The following MAPKAP1 variants were observed in gnomAD, a reference collection of about 807,000 sequenced individuals.
The protein encoded by MAPKAP1 is MAPK associated protein 1.
In MAPKAP1, 20 loss-of-function variants were observed where a neutral mutation model predicts 65.7. The ratio of observed to expected loss-of-function variants is 0.30; its 90% CI spans 0.21 to 0.44. MAPKAP1 has a LOEUF of 0.44. Ranked by LOEUF, MAPKAP1 falls within the 20% of genes least tolerant of loss-of-function variation. The pLI is 1.00. For synonymous variants in MAPKAP1, 222 were observed against 244.3 expected (o/e 0.91, Z 0.85); for missense variants, 423 against 648.0 (o/e 0.65, Z 3.77).
intron 5 of MAPKAP1, among the ~76,000 whole-genome samples, chr9:125,572,306 C>A (rs1464298322): frequency 6.6e-6 from 1 of 152,152 alleles, no homozygotes; most frequent in African/African-American, 2.4e-5. Flanking sequence ...CATGGCTGAG[C>A]TTGGTTTTAA....
chr9:125,462,128 A>T (rs1853519781), intron 10 of MAPKAP1, among the ~76,000 whole-genome samples: 2 of 152,230 alleles, frequency 1.3e-5, no homozygotes, highest in Non-Finnish European at 2.9e-5. Flanking sequence ...AAGAGCGCAC[A>T]TGCGTGTGTT....
At position 125,439,907 on chromosome 9, in the gene MAPKAP1, TGGA is replaced by T. The variant is rs1226567726; in HGVS notation, c.1444-898_1444-896del. ...AATGGGGCTGAGTATCAGGGAGGTG[TGGA>T]GGAGGGAAGGCTTCCAGAGGAAAAG... On this transcript the variant is annotated intron_variant, in intron 11 of 11. Coordinates refer to ENST00000265960, the MANE Select transcript of MAPKAP1 (RefSeq NM_001006617.3). This position sits in a 1 kb window ranked among gnomAD's most constrained non-coding sequence, Gnocchi z 4.0. Among the ~76,000 whole-genome samples the T allele has an allele frequency of 6.6e-5, 10 of 151,912 alleles. No individual in the cohort carries two copies. Among genetic ancestry groups the T allele is most frequent in the African/African-American group, 2.4e-4 (10 of 41,346 alleles).
intron 4 of MAPKAP1, among the ~76,000 whole-genome samples, chr9:125,594,570 CTTCAA>C (rs758653209): frequency 6.6e-6 from 1 of 152,194 alleles, no homozygotes; most frequent in Non-Finnish European, 1.5e-5. Context: ...TTCTTCTGTC[CTTCAA>C]TTCAAATATC....
chr9:125,664,999 G>A (rs555258749), intron 3 of MAPKAP1, among the ~76,000 whole-genome samples: 2 of 152,084 alleles, frequency 1.3e-5, no homozygotes, highest in South Asian at 2.1e-4. Flanking sequence ...TAATTTACTG[G>A]CTTTGAATGA....
intron 1 of MAPKAP1, among the ~76,000 whole-genome samples, chr9:125,679,012 T>G (rs1235847175): frequency 1.3e-5 from 2 of 152,032 alleles, no homozygotes; most frequent in African/African-American, 4.8e-5. Context: ...CAATTTTTTT[T>G]TTTTTTTGAG....
chr9:125,598,569 G>C (rs971503022), intron 4 of MAPKAP1, among the ~76,000 whole-genome samples: 2 of 152,164 alleles, frequency 1.3e-5, no homozygotes, highest in African/African-American at 2.4e-5. Flanking sequence ...TAGGGAGGCA[G>C]TACAGTGTGA....
intron 4 of MAPKAP1, among the ~76,000 whole-genome samples, chr9:125,602,050 C>T (rs922303360): frequency 6.6e-6 from 1 of 151,990 alleles, no homozygotes; most frequent in African/African-American, 2.4e-5. Flanking sequence ...GCCCAGGAGT[C>T]GAGACCAGCC....
chr9:125,695,466 G>C (rs1246508884), intron 1 of MAPKAP1, among the ~76,000 whole-genome samples: 1 of 152,100 alleles, frequency 6.6e-6, no homozygotes, highest in African/African-American at 2.4e-5. Context: ...ATATCAATTT[G>C]AACAGATGAC....
At chr9:125,507,307 T>C (rs1395772651) in intron 7 of MAPKAP1, among the ~76,000 whole-genome samples, 2 of 152,248 alleles carry the variant, frequency 1.3e-5, no homozygotes, top group African/African-American at 2.4e-5. Flanking sequence ...TGTGATCTGT[T>C]AATGGTTATT....
At chr9:125,613,946 C>T (rs1423916668) in intron 4 of MAPKAP1, among the ~76,000 whole-genome samples, 4 of 152,002 alleles carry the variant, frequency 2.6e-5, no homozygotes, top group East Asian at 3.9e-4. Flanking sequence ...TACAGGCGCC[C>T]GCCACCACGC....
intron 11 of MAPKAP1, among the ~76,000 whole-genome samples, chr9:125,440,369 C>T (rs975090328): frequency 2.6e-5 from 4 of 152,232 alleles, no homozygotes; most frequent in South Asian, 2.1e-4. Context: ...CTTCCTGCTC[C>T]GCAGCCTCTC....
chr9:125,608,805 G>A (rs571282438), intron 4 of MAPKAP1, among the ~76,000 whole-genome samples: 1 of 152,152 alleles, frequency 6.6e-6, no homozygotes, highest in East Asian at 1.9e-4. Flanking sequence ...TAAATCAAAC[G>A]TTTCAAATAA....
intron 8 of MAPKAP1, among the ~76,000 whole-genome samples, chr9:125,492,557 T>TA (rs1469797911): frequency 1.3e-5 from 2 of 152,236 alleles, no homozygotes; most frequent in South Asian, 2.1e-4. Flanking sequence ...GGGAGACACT[T>TA]AGAGTTATAT....
intron 10 of MAPKAP1, among the ~76,000 whole-genome samples, 184 bp downstream of exon 10, chr9:125,467,788 G>A (rs960526314): frequency 6.6e-6 from 1 of 152,186 alleles, no homozygotes; most frequent in East Asian, 1.9e-4. Flanking sequence ...ACAGGATGGG[G>A]CACATGTCAG....
At chr9:125,455,595 GTT>G (rs879327923) in intron 10 of MAPKAP1, among the ~76,000 whole-genome samples, 1 of 146,984 alleles carries the variant, frequency 6.8e-6, no homozygotes, top group Non-Finnish European at 1.5e-5. Context: ...AAGAAGTGTA[GTT>G]TTTTTTTTTT....
At chr9:125,625,273 A>C (rs1340042733) in intron 4 of MAPKAP1, among the ~76,000 whole-genome samples, 11 of 148,728 alleles carry the variant, frequency 7.4e-5, no homozygotes, top group Admixed American at 3.3e-4. Context: ...AAAAAAAAAA[A>C]AAAAAAACAA....
chr9:125,491,247 CA>C (rs1422568739), intron 8 of MAPKAP1, among the ~76,000 whole-genome samples: 1 of 151,422 alleles, frequency 6.6e-6, no homozygotes, highest in East Asian at 2.0e-4. Flanking sequence ...AGTTTGAGAC[CA>C]CCCTGTGCAA....
chr9:125,573,934 T>G (rs1831316932), intron 5 of MAPKAP1, among the ~76,000 whole-genome samples: 1 of 152,242 alleles, frequency 6.6e-6, no homozygotes, highest in Non-Finnish European at 1.5e-5. Context: ...GAATTAATTA[T>G]TTTAGTTATT....
At chr9:125,464,204 T>TTAAAAAAAAAAAAAAAA (rs1554805633) in intron 10 of MAPKAP1, among the ~76,000 whole-genome samples, 3 of 83,300 alleles carry the variant, frequency 3.6e-5, no homozygotes, top group Non-Finnish European at 6.9e-5. Flanking sequence ...TCTCATATAT[T>TTAAAAAAAAAAAAAAAA]AAAAAAAAAA....
Sources: allele counts gnomAD v4.1 joint callset (sites outside exome capture counted in the v4.1 genomes callset), GRCh38; gene constraint gnomAD v4.1.1; non-coding constraint Gnocchi (gnomAD v3.1); transcripts MANE v1.5; gene names NCBI Gene and HGNC (gene_info 2026-07-23, HGNC 2026-07-21).